Variants in TRPC4AP observed in about 807,000 individuals in gnomAD.
TRPC4AP encodes short transient receptor potential channel 4-associated protein.
TRPC4AP carries 45 observed loss-of-function variants against 99.0 expected under a neutral mutation model. The observed-to-expected ratio is 0.45, with a 90% CI of 0.36 to 0.58. The LOEUF is 0.58. Among genes scored for constraint, TRPC4AP ranks in the 20% least tolerant of loss-of-function variants. TRPC4AP has a pLI of 0.00. For synonymous variants in TRPC4AP, 408 were observed against 385.8 expected (o/e 1.06, Z -0.67); for missense variants, 879 against 985.3 (o/e 0.89, Z 1.44).
chr20:35,044,251 T>A (rs1229083342), intron 7 of TRPC4AP, among the ~76,000 whole-genome samples: 2 of 150,332 alleles, frequency 1.3e-5, no homozygotes, highest in Admixed American at 6.6e-5. Flanking sequence ...ATTAGCCCGG[T>A]GTGGTGGCAC....
chr20:35,033,041 C>T (rs1339110903), intron 8 of TRPC4AP, among the ~76,000 whole-genome samples: 1 of 151,782 alleles, frequency 6.6e-6, no homozygotes, highest in Non-Finnish European at 1.5e-5. Context: ...TACTAAAATA[C>T]AAAAAATTAG....
Position 35,044,635 on chromosome 20 carries a change from G to A in TRPC4AP, c.735C>T (p.Phe245=). The part of the protein sequence containing the change: ...SNFDQQQLAN[F]CRILAVTISE... ...AAATGGTGACAGCCAGAATCCGGCA[G>A]AAATTAGCGAGCTGCTGCTGATCGA... Residue 245 remains phenylalanine (F), a synonymous_variant, in exon 7 of 19, where the codon TTC becomes TTT. Coordinates refer to ENST00000252015, the MANE Select transcript of TRPC4AP (RefSeq NM_015638.3). 2 of 1,614,182 alleles carry A rather than the reference G, an allele frequency of 1.2e-6. No homozygotes were observed. The highest frequency in any genetic ancestry group is 1.7e-6 in the Non-Finnish European group (2 of 1,180,020).
intron 12 of TRPC4AP, 94 bp downstream of exon 12, chr20:35,010,093 C>T (rs990515988): frequency 1.1e-6 from 1 of 939,450 alleles, no homozygotes; most frequent in Non-Finnish European, 1.7e-6. Context: ...TGAGAGAGGA[C>T]ACGCGTGCAT....
At chr20:35,073,725 AAAAT>A (rs2032460298) in intron 2 of TRPC4AP, among the ~76,000 whole-genome samples, 1 of 152,166 alleles carries the variant, frequency 6.6e-6, no homozygotes, top group Non-Finnish European at 1.5e-5. Flanking sequence ...ATATTGGTCT[AAAAT>A]TCTCTTTTGT....
chr20:35,010,086 G>T, intron 12 of TRPC4AP, 101 bp downstream of exon 12: 1 of 881,768 alleles, frequency 1.1e-6, no homozygotes, highest in South Asian at 1.5e-5. Flanking sequence ...CTGCATGTGA[G>T]AGAGGACACG....
chr20:35,075,648 C>T (rs185612849), intron 2 of TRPC4AP, among the ~76,000 whole-genome samples: 2 of 152,306 alleles, frequency 1.3e-5, no homozygotes, highest in East Asian at 1.9e-4. Context: ...GATGGGCTTC[C>T]CTTTGTGGGT....
rs2082439978 is a variant in TRPC4AP, at chr20:35,003,455, C to T, written c.2211G>A (p.Gln737=). 2 of 1,614,148 alleles carry T rather than the reference C, an allele frequency of 1.2e-6. No individual in the cohort carries two copies. Among genetic ancestry groups the T allele is most frequent in the Non-Finnish European group, 1.7e-6 (2 of 1,180,024 alleles). The part of the protein sequence containing the change: ...NNFHNLLRFW[Q]QHYLHKDKDS... ...CCTTGTCCTTGTGCAGGTAGTGCTGCTGCCAGAAGCGCAGCAGGTTGTGGA... is the reference window on the plus strand; with the variant it reads ...CCTTGTCCTTGTGCAGGTAGTGCTGTTGCCAGAAGCGCAGCAGGTTGTGGA... Residue 737 remains glutamine, a synonymous_variant, in exon 18 of 19, where the codon CAG becomes CAA. Transcript: ENST00000252015.
chr20:35,074,715 G>A (rs1370592554), intron 2 of TRPC4AP, among the ~76,000 whole-genome samples: 2 of 152,188 alleles, frequency 1.3e-5, no homozygotes, highest in African/African-American at 4.8e-5. Flanking sequence ...TGGAATAAGT[G>A]CGACGTGGCG....
At chr20:35,045,837 G>A (rs1441198175) in intron 6 of TRPC4AP, among the ~76,000 whole-genome samples, 2 of 151,750 alleles carry the variant, frequency 1.3e-5, no homozygotes, top group African/African-American at 4.8e-5. Flanking sequence ...ACCACGCCTG[G>A]CCAATACTTT....
At chr20:35,074,734 A>C (rs910764496) in intron 2 of TRPC4AP, among the ~76,000 whole-genome samples, 5 of 152,196 alleles carry the variant, frequency 3.3e-5, no homozygotes, top group Non-Finnish European at 7.3e-5. Context: ...CGCTGAGAAG[A>C]ATGTATATTC....
At chr20:35,017,021 C>G (rs1270179018) in intron 9 of TRPC4AP, among the ~76,000 whole-genome samples, 1 of 152,112 alleles carries the variant, frequency 6.6e-6, no homozygotes, top group South Asian at 2.1e-4. Context: ...ATCCATAATC[C>G]CTTTAAACCA....
At chr20:35,080,706 A>G (rs1321993541) in intron 1 of TRPC4AP, among the ~76,000 whole-genome samples, 3 of 151,946 alleles carry the variant, frequency 2.0e-5, no homozygotes, top group Non-Finnish European at 4.4e-5. Flanking sequence ...ACTGAATACC[A>G]GGTTTCTTTT....
chr20:35,010,246 GA>G lies in TRPC4AP; in HGVS notation c.1451del (p.Leu484ProfsTer32), dbSNP rs2082603549. 6.2e-7 allele frequency: 1 copy of G among 1,614,120 alleles called. No individual in the cohort carries two copies. ...LLLNNQELNE[L>X]SAISLKANIP... ...TGTTGGCCTTGAGAGAGATGGCACTGAGTTCATTCAGCTCCTGGTTGTTGAG... is the reference window on the plus strand; with the variant it reads ...TGTTGGCCTTGAGAGAGATGGCACTGGTTCATTCAGCTCCTGGTTGTTGAG... On this transcript the variant is annotated frameshift_variant, in exon 12 of 19. Transcript: ENST00000252015. LOFTEE classifies it high-confidence loss of function.
intron 9 of TRPC4AP, among the ~76,000 whole-genome samples, chr20:35,017,288 TACAATTC>T (rs2082776714): frequency 6.6e-6 from 1 of 152,174 alleles, no homozygotes; most frequent in Non-Finnish European, 1.5e-5. Context: ...AAAAGAGGAA[TACAATTC>T]GCCTTTGTAA....
At chr20:35,009,742 C>G (rs938999572) in intron 12 of TRPC4AP, among the ~76,000 whole-genome samples, 1 of 152,272 alleles carries the variant, frequency 6.6e-6, no homozygotes, top group African/African-American at 2.4e-5. Context: ...ACTAGCCCCC[C>G]ACTGCCTGGC....
At chr20:35,013,103 G>A (rs1028667737) in intron 10 of TRPC4AP, 37 bp from the exon 11 acceptor site, 1 of 1,608,506 alleles carries the variant, frequency 6.2e-7, no homozygotes, top group Non-Finnish European at 8.5e-7. Flanking sequence ...TAGGACCACA[G>A]CCACAAGGTT....
At chr20:35,025,572 A>C (rs1427387958) in intron 8 of TRPC4AP, among the ~76,000 whole-genome samples, 1 of 152,156 alleles carries the variant, frequency 6.6e-6, no homozygotes, top group African/African-American at 2.4e-5. Flanking sequence ...AGAAACATCT[A>C]TTCAGATCCT....
At chr20:35,089,369 G>A (rs2084975132) in intron 1 of TRPC4AP, among the ~76,000 whole-genome samples, 1 of 150,726 alleles carries the variant, frequency 6.6e-6, no homozygotes, top group South Asian at 2.1e-4. Context: ...TGGGACTACA[G>A]GCATGCATTT....
intron 9 of TRPC4AP, among the ~76,000 whole-genome samples, chr20:35,019,184 G>C (rs1428323881): frequency 6.6e-6 from 1 of 152,174 alleles, no homozygotes; most frequent in Non-Finnish European, 1.5e-5. Context: ...GTGTAGGCAG[G>C]ATCTGGGAAT....
Sources: gnomAD v4.1 joint callset for allele counts (sites outside exome capture counted in the v4.1 genomes callset) on GRCh38, gnomAD v4.1.1 for gene constraint, MANE v1.5 for transcripts, NCBI Gene and HGNC (gene_info 2026-07-23, HGNC 2026-07-21) for gene names.